The following GNB1 variants were observed in gnomAD, a reference collection of about 807,000 sequenced individuals.
The protein encoded by GNB1 is G protein subunit beta 1.
In GNB1, 2 loss-of-function variants were observed where a neutral mutation model predicts 42.9. The observed-to-expected ratio is 0.05, with a 90% CI of 0.02 to 0.15. GNB1 has a LOEUF of 0.15. GNB1 is among the 10% of genes least tolerant of loss of function. GNB1 has a pLI of 1.00. For missense variants in GNB1, 193 were observed against 462.2 expected (o/e 0.42, Z 5.34); for synonymous variants, 183 against 174.7 (o/e 1.05, Z -0.38).
At chr1:1,820,085 A>T (rs1036694000) in intron 3 of GNB1, among the ~76,000 whole-genome samples, 13 of 152,140 alleles carry the variant, frequency 8.5e-5, no homozygotes, top group Non-Finnish European at 1.5e-4. Flanking sequence ...GGTCAGGCGC[A>T]GTGGCTCATG....
chr1:1,857,645 C>A (rs751294284), intron 1 of GNB1, among the ~76,000 whole-genome samples: 23 of 152,102 alleles, frequency 1.5e-4, no homozygotes, highest in Non-Finnish European at 2.6e-4. Context: ...AACATGGGAA[C>A]AAACTTCTCT....
intron 5 of GNB1, among the ~76,000 whole-genome samples, chr1:1,809,119 C>A (rs1034652439): frequency 4.6e-5 from 7 of 151,662 alleles, no homozygotes; most frequent in Admixed American, 3.9e-4. Context: ...TTCACCTGCA[C>A]TTTATTACAA....
chr1:1,874,124 G>A (rs1005280257), intron 1 of GNB1, among the ~76,000 whole-genome samples: 2 of 152,162 alleles, frequency 1.3e-5, no homozygotes, highest in South Asian at 2.1e-4. Context: ...GGAAGCTACC[G>A]AGGACAACAC....
chr1:1,788,667 C>A, intron 10 of GNB1: 1 of 192,510 alleles, frequency 5.2e-6, no homozygotes, highest in Non-Finnish European at 1.1e-5. Flanking sequence ...ATCTTTTGTA[C>A]ACCTGGCAAT....
intron 1 of GNB1, among the ~76,000 whole-genome samples, chr1:1,862,716 C>T (rs1364075688): frequency 6.6e-6 from 1 of 152,080 alleles, no homozygotes; most frequent in Non-Finnish European, 1.5e-5. Flanking sequence ...GCCTTGACCT[C>T]CCAAAGTGTT....
chr1:1,832,379 C>T (rs1012961676), intron 2 of GNB1: 5 of 152,172 alleles, frequency 3.3e-5, no homozygotes, highest in African/African-American at 1.2e-4. Flanking sequence ...AAGAGCCCGC[C>T]CGTCTAATCC....
chr1:1,872,771 A>G (rs1453488649), intron 1 of GNB1, among the ~76,000 whole-genome samples: 1 of 152,144 alleles, frequency 6.6e-6, no homozygotes, highest in African/African-American at 2.4e-5. Context: ...CGCTTCTTCC[A>G]GTTCGCCATC....
rs370548395 is a variant in GNB1 at position 1,840,385 on chromosome 1, G to A, written c.-95-1147C>T. ...CTACTAAAAATACAAAAAATTCGCC[G>A]AGCGTAGTGGCAGGCACCTGTAGTC... On this transcript the variant is annotated intron_variant, in intron 1 of 11. Coordinates refer to ENST00000378609, the MANE Select transcript of GNB1 (RefSeq NM_002074.5). Among the ~76,000 whole-genome samples, 15 of 151,762 alleles carry A rather than the reference G, an allele frequency of 9.9e-5. 1 individual carries two copies. The highest frequency in any genetic ancestry group is 3.3e-4 in the Admixed American group (5 of 15,256).
chr1:1,807,181 A>T (rs2100735226), intron 5 of GNB1, among the ~76,000 whole-genome samples: 1 of 152,020 alleles, frequency 6.6e-6, no homozygotes, highest in African/African-American at 2.4e-5. Flanking sequence ...TTTCATTACA[A>T]ATCAAATTAG....
chr1:1,800,627 C>G (rs537107793), intron 7 of GNB1, among the ~76,000 whole-genome samples: 42 of 152,006 alleles, frequency 2.8e-4, no homozygotes, highest in African/African-American at 9.4e-4. Flanking sequence ...AAGACATGGT[C>G]TAAAACTTCC....
At chr1:1,823,338 C>A (rs1051545754) in intron 3 of GNB1, among the ~76,000 whole-genome samples, 1 of 151,874 alleles carries the variant, frequency 6.6e-6, no homozygotes, top group African/African-American at 2.4e-5. Flanking sequence ...CTGAACCCCC[C>A]CAAAAACCCA....
chr1:1,816,130 G>A (rs1646852026), intron 4 of GNB1, among the ~76,000 whole-genome samples: 1 of 152,206 alleles, frequency 6.6e-6, no homozygotes, highest in Non-Finnish European at 1.5e-5. Flanking sequence ...AGCACTTGCT[G>A]TTCCCTTCCT....
At chr1:1,868,509 A>G (rs1649068796) in intron 1 of GNB1, among the ~76,000 whole-genome samples, 1 of 152,162 alleles carries the variant, frequency 6.6e-6, no homozygotes, top group South Asian at 2.1e-4. Flanking sequence ...TTAGCCGGGC[A>G]CAGTTGCTCA....
intron 1 of GNB1, among the ~76,000 whole-genome samples, chr1:1,870,466 T>A (rs1306286153): frequency 6.6e-6 from 1 of 152,218 alleles, no homozygotes; most frequent in East Asian, 1.9e-4. Flanking sequence ...ATTATAGTTA[T>A]AAGCCACTAT....
intron 7 of GNB1, among the ~76,000 whole-genome samples, chr1:1,801,861 C>G (rs1646631087): frequency 6.6e-6 from 1 of 152,140 alleles, no homozygotes; most frequent in African/African-American, 2.4e-5. Context: ...AGGTCTGTAA[C>G]AGACTATTTT....
chr1:1,831,976 C>G (rs1041708872), intron 2 of GNB1, among the ~76,000 whole-genome samples: 4 of 150,646 alleles, frequency 2.7e-5, no homozygotes, highest in African/African-American at 9.7e-5. Flanking sequence ...GTGGGAGAAT[C>G]CACTTGAGCC....
chr1:1,829,826 C>T (rs995779275), intron 2 of GNB1, among the ~76,000 whole-genome samples: 4 of 152,000 alleles, frequency 2.6e-5, no homozygotes, highest in African/African-American at 9.7e-5. Flanking sequence ...GCAACCTCCG[C>T]CTCCCGATTT....
chr1:1,827,532 G>A (rs1647015326), intron 2 of GNB1, among the ~76,000 whole-genome samples: 1 of 152,198 alleles, frequency 6.6e-6, no homozygotes, highest in Admixed American at 6.5e-5. Flanking sequence ...TTATTCTTAA[G>A]GGATAAGACT....
chr1:1,828,568 C>T (rs1045261443), intron 2 of GNB1, among the ~76,000 whole-genome samples: 15 of 152,100 alleles, frequency 9.9e-5, no homozygotes, highest in African/African-American at 3.6e-4. Flanking sequence ...AGTGACCTCA[C>T]AAAATTTCAG....
Sources: gnomAD v4.1 joint callset for allele counts (sites outside exome capture counted in the v4.1 genomes callset) on GRCh38, gnomAD v4.1.1 for gene constraint, MANE v1.5 for transcripts, NCBI Gene and HGNC (gene_info 2026-07-23, HGNC 2026-07-21) for gene names.